NRK: variants seen among roughly 807,000 people sequenced by gnomAD.
The protein encoded by NRK is nik-related protein kinase.
A neutral mutation model predicts 125.2 loss-of-function variants in NRK; 67 were observed. The ratio of observed to expected loss-of-function variants is 0.54; its 90% confidence interval spans 0.44 to 0.66. The LOEUF is 0.66. Among genes scored for constraint, NRK ranks in the 30% least tolerant of loss-of-function variants. NRK has a pLI of 0.00. For synonymous variants in NRK, 458 were observed against 429.0 expected (o/e 1.07, Z -0.84); for missense variants, 1,224 against 1,192.9 (o/e 1.03, Z -0.38).
chrX:105,896,426 T>G (rs1266876517), intron 7 of NRK, among the ~76,000 whole-genome samples: 3 of 112,340 alleles, frequency 2.7e-5, no homozygotes. Context: ...TGAACATTTG[T>G]GGAAGAAGCA....
At chrX:105,894,026 C>A in intron 6 of NRK, 84 bp downstream of exon 6, 1 of 495,240 alleles carries the variant, frequency 2.0e-6, no homozygotes, top group Non-Finnish European at 3.3e-6. Flanking sequence ...CTGCTCACAT[C>A]AGATAGTTTA....
At chrX:105,901,695 T>G (rs1346588647) in intron 9 of NRK, among the ~76,000 whole-genome samples, 1 of 111,705 alleles carries the variant, frequency 9.0e-6, no homozygotes, top group East Asian at 2.8e-4. Context: ...AAAGAGGGGC[T>G]GGGATAAAGC....
rs2039868539 is a variant in NRK at position 105,880,238 on chromosome X, G to C, written c.163G>C (p.Val55Leu). Residue 55 changes from valine to leucine, a missense_variant, in exon 3 of 29, where the codon GTG (valine) becomes CTG (leucine). By Grantham distance (32) the Val-to-Leu change is conservative. Coordinates refer to ENST00000243300, the MANE Select transcript of NRK (RefSeq NM_198465.4). ...EKTGAFTAVK[V>L]MNARKTPLPE... is the part of the protein sequence containing the mutation. ...GACTGGTGCATTTACAGCTGTTAAAGTGATGAACGCTCGTAAGGTAATATT... is the reference window on the plus strand; with the variant it reads ...GACTGGTGCATTTACAGCTGTTAAACTGATGAACGCTCGTAAGGTAATATT... The C allele has an allele frequency of 9.4e-7, 1 of 1,068,228 alleles. No individual in the cohort carries two copies. The highest frequency in any genetic ancestry group is 1.3e-6 in the Non-Finnish European group (1 of 797,283). The allele number at this position is 1,068,228 out of a possible 1,213,427, so 88.0% of individuals were successfully genotyped here. A position where few individuals can be genotyped will look rare whatever the true frequency, so the allele number is the denominator to read the frequency against.
chrX:105,900,620 T>C lies in NRK; in HGVS notation c.714T>C (p.Ser238=), dbSNP rs372413385. 51 of 1,179,053 alleles carry C rather than the reference T, an allele frequency of 4.3e-5. No individual in the cohort carries two copies. The African/African-American group carries it at 7.6e-4, about 18-fold the overall frequency. ...TTTTGTCATCTTTGTCTTTGCAGAG[T>C]GATGTGTGGTCTGTGGGAATTACTG... ...EDPRRSYDYR[S]DVWSVGITAI... The change falls in exon 9 of 29, where the codon AGT becomes AGC. Residue 238 remains serine, a splice_region_variant and synonymous_variant. Coordinates refer to ENST00000243300, the MANE Select transcript of NRK (RefSeq NM_198465.4).
rs1247599531 is a variant in NRK at position 105,918,418 on chromosome X, T to C, written c.2512+746T>C. ...GTAAAAATATAGTATACTGATTTTA[T>C]TAAAATGTTAATAATAAAAATGATA... On this transcript the variant is annotated intron_variant, in intron 16 of 28. Transcript: ENST00000243300. Among the ~76,000 whole-genome samples, 5 of 111,213 alleles carry C rather than the reference T, an allele frequency of 4.5e-5. No individual in the cohort carries two copies. In the Admixed American group the frequency reaches 4.8e-4, roughly 11 times the overall value.
In NRK at chrX:105,958,316, G is replaced by A. The variant is rs1321387124; in HGVS notation, c.*2716G>A. ...CACATGTGCACACACACATACACAT[G>A]TAAACATTGGAATGCATAAGTTTTA... On this transcript the variant is annotated 3_prime_UTR_variant, in exon 29 of 29. Coordinates refer to ENST00000243300, the MANE Select transcript of NRK (RefSeq NM_198465.4). 1.8e-5 allele frequency: 2 copies of A among 112,011 alleles called. No individual in the cohort carries two copies. Among genetic ancestry groups the A allele is most frequent in the African/African-American group, 3.2e-5 (1 of 30,818 alleles). 9.2% of individuals were successfully genotyped at this position (112,011 alleles called of 1,213,427 possible).
Position 105,890,690 on chromosome X carries a change from C to T in NRK, c.378+2271C>T, listed in dbSNP as rs1321895566. ...CTTTATAAAACCATTAATCTCAAAT[C>T]TCGTGACACTTATTCACTATCACTA... On this transcript the variant is annotated intron_variant, in intron 5 of 28. Transcript: ENST00000243300. Among the ~76,000 whole-genome samples, 4 of 111,504 alleles carry T rather than the reference C, an allele frequency of 3.6e-5. No homozygotes were observed. In the Admixed American group the frequency reaches 3.8e-4, roughly 11 times the overall value.
intron 9 of NRK, among the ~76,000 whole-genome samples, chrX:105,902,620 A>T (rs1026211484): frequency 1.8e-5 from 2 of 112,116 alleles, no homozygotes; most frequent in Non-Finnish European, 3.8e-5. Context: ...GCCATGGGGC[A>T]TAGGTTCCCA....
chrX:105,869,022 G>A (rs1229068566), intron 2 of NRK, among the ~76,000 whole-genome samples: 5 of 110,901 alleles, frequency 4.5e-5, no homozygotes, highest in Non-Finnish European at 9.5e-5. Flanking sequence ...GTACCATGAT[G>A]AGAAAAGAGG....
At chrX:105,828,067 A>G (rs376532292) in intron 1 of NRK, among the ~76,000 whole-genome samples, 1 of 112,202 alleles carries the variant, frequency 8.9e-6, no homozygotes. Context: ...AGTGCAAAAT[A>G]TATGAGGAAT....
chrX:105,875,022 T>A (rs1300076631), intron 2 of NRK, among the ~76,000 whole-genome samples: 1 of 111,822 alleles, frequency 8.9e-6, no homozygotes, highest in Non-Finnish European at 1.9e-5. Context: ...GGAAGTTTTT[T>A]AGGACTTTAT....
intron 2 of NRK, among the ~76,000 whole-genome samples, chrX:105,859,004 G>C (rs1009596165): frequency 4.5e-5 from 5 of 110,908 alleles, no homozygotes; most frequent in African/African-American, 1.6e-4. Flanking sequence ...CTGGGGAAGA[G>C]GGAAAGTTAA....
chrX:105,851,418 A>G (rs988069693), intron 2 of NRK, among the ~76,000 whole-genome samples: 1 of 112,353 alleles, frequency 8.9e-6, no homozygotes, highest in African/African-American at 3.2e-5. Flanking sequence ...CAGGAAAGAT[A>G]TCTCAGACCA....
In NRK at chrX:105,909,538, A is replaced by G; in HGVS notation, c.1897A>G (p.Ile633Val). The G allele has an allele frequency of 2.5e-6, 3 of 1,209,981 alleles. No homozygotes were observed. The highest frequency in any genetic ancestry group is 1.8e-5 in the South Asian group (1 of 56,640). Reference sequence around the variant, plus strand: ...TTGGACACTAGAACCCCCACAGGCAATTGGCTCAGTTCAAGCACTGATAGA... The same window carrying G: ...TTGGACACTAGAACCCCCACAGGCAGTTGGCTCAGTTCAAGCACTGATAGA... ...QAWTLEPPQA[I>V]GSVQALIEGL... is the part of the protein sequence containing the mutation. Residue 633 changes from isoleucine (I) to valine (V), a missense_variant, in exon 13 of 29, where the codon ATT (isoleucine) becomes GTT (valine). Coordinates refer to ENST00000243300, the MANE Select transcript of NRK (RefSeq NM_198465.4).
At chrX:105,893,774 C>T in intron 5 of NRK, 58 bp from the exon 6 acceptor site, 2 of 714,348 alleles carry the variant, frequency 2.8e-6, no homozygotes. Context: ...CTAAAACTCT[C>T]CAGATATTTT....
At chrX:105,940,083 A>G in intron 23 of NRK, 51 bp downstream of exon 23, 1 of 906,361 alleles carries the variant, frequency 1.1e-6, no homozygotes, top group Non-Finnish European at 1.5e-6. Context: ...GCATCCTTTC[A>G]TTTGGTGAAC....
intron 2 of NRK, among the ~76,000 whole-genome samples, chrX:105,860,842 A>G (rs1188322135): frequency 9.0e-6 from 1 of 111,331 alleles, no homozygotes; most frequent in Admixed American, 9.6e-5. Flanking sequence ...TGTTATTGAT[A>G]TACCACATTT....
chrX:105,950,796 T>A (rs2040886261), intron 27 of NRK, among the ~76,000 whole-genome samples: 1 of 107,247 alleles, frequency 9.3e-6, no homozygotes, highest in Non-Finnish European at 1.9e-5. Context: ...GAATTTTTAG[T>A]CTATGTTGTT....
At chrX:105,822,974 C>T (rs1274675934) in intron 1 of NRK, 72 bp downstream of exon 1, 2 of 944,115 alleles carry the variant, frequency 2.1e-6, no homozygotes, top group Non-Finnish European at 2.9e-6. Flanking sequence ...AGGGAGGGAG[C>T]GGACGCCCTC....
Sources: allele counts gnomAD v4.1 joint callset (sites outside exome capture counted in the v4.1 genomes callset), GRCh38; gene constraint gnomAD v4.1.1; transcripts MANE v1.5; gene names NCBI Gene and HGNC (gene_info 2026-07-23, HGNC 2026-07-21).